Variants in APBB2 observed in about 807,000 individuals in gnomAD.
APBB2 encodes the protein Fe65-like 1.
Under a neutral mutation model 82.5 loss-of-function variants are expected in APBB2, and 38 were observed. The ratio of observed to expected loss-of-function variants is 0.46; its 90% CI spans 0.36 to 0.60. The LOEUF is 0.60. Ranked by LOEUF, APBB2 falls within the 20% of genes least tolerant of loss-of-function variation. APBB2 has a pLI of 0.00. For synonymous variants in APBB2, 341 were observed against 368.2 expected, an observed-to-expected ratio of 0.93 and a Z score of 0.85; for missense variants, 772 against 972.3, an observed-to-expected ratio of 0.79 and a Z score of 2.74.
intron 12 of APBB2, among the ~76,000 whole-genome samples, chr4:40,843,869 A>G (rs1756705723): frequency 6.6e-6 from 1 of 152,214 alleles, no homozygotes; most frequent in African/African-American, 2.4e-5. Context: ...TACATGGGGA[A>G]GAGAGTTTGA....
At chr4:41,093,552 G>T (rs1407971521) in intron 3 of APBB2, among the ~76,000 whole-genome samples, 1 of 151,868 alleles carries the variant, frequency 6.6e-6, no homozygotes, top group Non-Finnish European at 1.5e-5. Context: ...CTTGCCAAGG[G>T]TTAAAAAGTT....
intron 4 of APBB2, among the ~76,000 whole-genome samples, chr4:41,047,680 T>C (rs560648943): frequency 6.6e-6 from 1 of 152,194 alleles, no homozygotes; most frequent in Admixed American, 6.5e-5. Context: ...CCAATCCTGG[T>C]CTAACGATCC....
intron 6 of APBB2, among the ~76,000 whole-genome samples, chr4:40,958,058 T>C (rs1792150648): frequency 6.6e-6 from 1 of 152,196 alleles, no homozygotes; most frequent in Non-Finnish European, 1.5e-5. Context: ...AGCTAAAAAT[T>C]ACCTAGAAGG....
chr4:40,839,368 T>G (rs1352823507), intron 12 of APBB2, among the ~76,000 whole-genome samples: 3 of 152,094 alleles, frequency 2.0e-5, no homozygotes, highest in East Asian at 1.9e-4. Context: ...CCAGAGCCCA[T>G]GTAACTGGCA....
intron 10 of APBB2, among the ~76,000 whole-genome samples, chr4:40,913,306 CAAAT>C (rs35570991): frequency 0.19 from 29,330 of 152,008 alleles, 2,972 homozygotes; most frequent in Middle Eastern, 0.23. Flanking sequence ...ATGTAATTCT[CAAAT>C]AAATAAACAA....
intron 10 of APBB2, among the ~76,000 whole-genome samples, chr4:40,928,163 T>C (rs190585049): frequency 5.6e-4 from 85 of 152,284 alleles, no homozygotes; most frequent in African/African-American, 1.9e-3. Context: ...ATAGAAAGTT[T>C]TAAAACATTT....
intron 6 of APBB2, among the ~76,000 whole-genome samples, chr4:40,951,543 G>A (rs1385219730): frequency 1.3e-5 from 2 of 152,254 alleles, no homozygotes; most frequent in Non-Finnish European, 1.5e-5. Context: ...GGCAACTGAA[G>A]TGTCAATGCG....
At chr4:41,196,292 T>C in intron 1 of APBB2, among the ~76,000 whole-genome samples, 1 of 152,250 alleles carries the variant, frequency 6.6e-6, no homozygotes, top group African/African-American at 2.4e-5. Flanking sequence ...TCTATAGTCC[T>C]GACACTGGGT....
intron 4 of APBB2, among the ~76,000 whole-genome samples, chr4:41,038,661 AG>A (rs1404230203): frequency 6.6e-6 from 1 of 152,236 alleles, no homozygotes; most frequent in Non-Finnish European, 1.5e-5. Flanking sequence ...ACCTTCAAAT[AG>A]CTACTTCCCT....
chr4:41,193,712 G>A, intron 1 of APBB2: 3 of 242,652 alleles, frequency 1.2e-5, no homozygotes, highest in Non-Finnish European at 2.0e-5. Flanking sequence ...GAAAAACACA[G>A]GATAGCCCTA....
chr4:40,823,649 C>T lies in APBB2; in HGVS notation c.1927G>A (p.Glu643Lys), dbSNP rs756658820. The T allele has an allele frequency of 6.5e-5, 104 of 1,608,286 alleles. 1 individual carries two copies. In the Middle Eastern group the frequency reaches 1.2e-3, roughly 18 times the overall value. Reference protein sequence around the residue: ...VADATVTVISEKNEEEVLVEC... With the variant: ...VADATVTVISKKNEEEVLVEC... Reference sequence around the variant, plus strand: ...CATCGAAGATTCCTTCTCACCTTTTCACTGATGACAGTCACAGTGGCATCA... The same window carrying T: ...CATCGAAGATTCCTTCTCACCTTTTTACTGATGACAGTCACAGTGGCATCA... Residue 643 changes from glutamate (E) to lysine (K), a missense_variant, in exon 16 of 18, where the codon GAA (glutamate) becomes AAA (lysine). Glu to Lys is a moderately conservative substitution (Grantham distance 56). Coordinates refer to ENST00000508593, the MANE Select transcript of APBB2 (RefSeq NM_004307.2).
intron 1 of APBB2, among the ~76,000 whole-genome samples, chr4:41,170,298 A>G (rs866903133): frequency 6.6e-6 from 1 of 152,358 alleles, no homozygotes; most frequent in African/African-American, 2.4e-5. Context: ...ATCTTATTAT[A>G]GCCATGTAAT....
intron 6 of APBB2, among the ~76,000 whole-genome samples, chr4:40,949,100 G>A (rs970552673): frequency 4.6e-5 from 7 of 152,028 alleles, no homozygotes; most frequent in Non-Finnish European, 8.8e-5. Context: ...CCAATATGGT[G>A]AAATCCCATC....
In APBB2 at chr4:41,047,645, G is replaced by A. The variant is rs1006626432; in HGVS notation, c.-50-14341C>T. Among the ~76,000 whole-genome samples, 5 of 152,308 alleles carry A rather than the reference G, an allele frequency of 3.3e-5. No homozygotes were observed. The East Asian group carries it at 5.8e-4, about 18-fold the overall frequency. The stretch of plus-strand genomic sequence containing the variant: ...TAACAAACTTGCATAACATTGGGAC[G>A]TTGAAAAGCAGCAGAGCCCAGGCTC... On this transcript the variant is annotated intron_variant, in intron 4 of 17. Coordinates refer to ENST00000508593, the MANE Select transcript of APBB2 (RefSeq NM_004307.2).
At chr4:40,980,157 G>A (rs185986841) in intron 6 of APBB2, among the ~76,000 whole-genome samples, 1 of 152,224 alleles carries the variant, frequency 6.6e-6, no homozygotes, top group East Asian at 1.9e-4. Context: ...TGAGTAGTTG[G>A]GACTACAGGC....
intron 12 of APBB2, among the ~76,000 whole-genome samples, chr4:40,869,162 G>T (rs1197976396): frequency 6.6e-6 from 1 of 152,074 alleles, no homozygotes; most frequent in Non-Finnish European, 1.5e-5. Flanking sequence ...CTGAGTAGCT[G>T]GGATTACAGG....
At chr4:41,133,094 A>G (rs1020118970) in intron 2 of APBB2, among the ~76,000 whole-genome samples, 1 of 152,174 alleles carries the variant, frequency 6.6e-6, no homozygotes, top group African/African-American at 2.4e-5. Context: ...AGGGAATGGT[A>G]ATCACATTGA....
At chr4:40,833,439 C>T (rs965362316) in intron 12 of APBB2, among the ~76,000 whole-genome samples, 5 of 152,328 alleles carry the variant, frequency 3.3e-5, no homozygotes, top group Admixed American at 6.5e-5. Flanking sequence ...GTCCAGCGCA[C>T]GCCCATCTAC....
chr4:40,954,620 TC>T (rs1199119068), intron 6 of APBB2, among the ~76,000 whole-genome samples: 1 of 152,026 alleles, frequency 6.6e-6, no homozygotes, highest in East Asian at 1.9e-4. Flanking sequence ...TTTCTAACAG[TC>T]CCCACTTTTG....
Sources: gnomAD v4.1 joint callset for allele counts (sites outside exome capture counted in the v4.1 genomes callset) on GRCh38, gnomAD v4.1.1 for gene constraint, MANE v1.5 for transcripts, NCBI Gene and HGNC (gene_info 2026-07-23, HGNC 2026-07-21) for gene names.